PRKD1: variants seen among roughly 807,000 people sequenced by gnomAD.
PRKD1 encodes protein kinase D1.
PRKD1 carries 63 observed loss-of-function variants against 95.9 expected under a neutral mutation model. The observed-to-expected ratio is 0.66, with a 90% CI of 0.54 to 0.81. The LOEUF (loss-of-function observed/expected upper bound fraction) is 0.81, where lower values mean the gene tolerates loss of function less well. PRKD1 is among the 30% of genes least tolerant of loss of function. The pLI, the probability that PRKD1 is intolerant of heterozygous loss-of-function variation, is 0.00. For missense variants in PRKD1, 1,048 were observed against 1,165.3 expected (o/e 0.90, Z 1.47); for synonymous variants, 425 against 423.1 (o/e 1.00, Z -0.05).
intron 1 of PRKD1, among the ~76,000 whole-genome samples, chr14:29,888,527 T>C (rs996457637): frequency 6.6e-6 from 1 of 152,122 alleles, no homozygotes; most frequent in Admixed American, 6.6e-5. Context: ...AGAAATATGT[T>C]CAAGAGAAGA....
At chr14:29,841,389 C>T (rs1336455432) in intron 1 of PRKD1, among the ~76,000 whole-genome samples, 2 of 152,098 alleles carry the variant, frequency 1.3e-5, no homozygotes, top group Non-Finnish European at 2.9e-5. Flanking sequence ...TCACCCAAAT[C>T]GTATCCTGAG....
intron 13 of PRKD1, among the ~76,000 whole-genome samples, chr14:29,615,130 G>A (rs1295522631): frequency 6.6e-6 from 1 of 152,018 alleles, no homozygotes; most frequent in East Asian, 1.9e-4. Context: ...TAGGCTCAAG[G>A]AAAACAAGGA....
chr14:29,727,240 G>C (rs1247802474), intron 1 of PRKD1, among the ~76,000 whole-genome samples: 2 of 152,020 alleles, frequency 1.3e-5, no homozygotes, highest in African/African-American at 4.8e-5. Context: ...ACTTTTTGAT[G>C]GGGTTGTTTT....
At chr14:29,784,234 C>A (rs1889170744) in intron 1 of PRKD1, among the ~76,000 whole-genome samples, 1 of 151,750 alleles carries the variant, frequency 6.6e-6, no homozygotes, top group Non-Finnish European at 1.5e-5. Flanking sequence ...GGTGTCCTTT[C>A]CCCAGTATAT....
intron 1 of PRKD1, among the ~76,000 whole-genome samples, chr14:29,880,254 G>A (rs1893453798): frequency 6.6e-6 from 1 of 152,136 alleles, no homozygotes; most frequent in Non-Finnish European, 1.5e-5. Context: ...AGTGCAGCCT[G>A]GGAACTTGGT....
At chr14:29,808,258 A>C (rs192596967) in intron 1 of PRKD1, among the ~76,000 whole-genome samples, 76 of 151,626 alleles carry the variant, frequency 5.0e-4, no homozygotes, top group Non-Finnish European at 8.2e-4. Context: ...CCAGGAGTAG[A>C]TTCTAGATTC....
intron 4 of PRKD1, among the ~76,000 whole-genome samples, chr14:29,661,793 A>G (rs1432693974): frequency 6.6e-6 from 1 of 152,238 alleles, no homozygotes; most frequent in Non-Finnish European, 1.5e-5. Flanking sequence ...CTCCCATCCC[A>G]GTAGCTTTAA....
intron 2 of PRKD1, among the ~76,000 whole-genome samples, chr14:29,688,485 C>T (rs1274311042): frequency 2.6e-5 from 4 of 152,042 alleles, no homozygotes; most frequent in Non-Finnish European, 5.9e-5. Context: ...CAATTAAATC[C>T]TTTACCCATG....
intron 1 of PRKD1, among the ~76,000 whole-genome samples, chr14:29,885,093 C>A (rs1893651042): frequency 6.6e-6 from 1 of 150,440 alleles, no homozygotes; most frequent in Non-Finnish European, 1.5e-5. Context: ...ACTGCACTCC[C>A]CCCTGGGCAA....
intron 16 of PRKD1, among the ~76,000 whole-genome samples, chr14:29,586,677 T>A (rs1892943500): frequency 6.6e-6 from 1 of 152,172 alleles, no homozygotes; most frequent in Admixed American, 6.5e-5. Flanking sequence ...GTTTTGCTCT[T>A]GTTGCCCAGG....
At chr14:29,746,958 CTTCTCTGGAATAAT>C (rs1344949738) in intron 1 of PRKD1, among the ~76,000 whole-genome samples, 2 of 152,102 alleles carry the variant, frequency 1.3e-5, no homozygotes, top group Admixed American at 6.5e-5. Context: ...TGTTTCACTA[CTTCTCTGGAATAAT>C]TTCCTAATTT....
chr14:29,893,904 T>C (rs982777355), intron 1 of PRKD1, among the ~76,000 whole-genome samples: 1 of 152,232 alleles, frequency 6.6e-6, no homozygotes, highest in Non-Finnish European at 1.5e-5. Flanking sequence ...GTGCTCTGTA[T>C]GTACCAACCA....
intron 1 of PRKD1, among the ~76,000 whole-genome samples, chr14:29,875,911 T>C (rs1460856414): frequency 2.0e-5 from 3 of 152,146 alleles, no homozygotes; most frequent in African/African-American, 7.2e-5. Flanking sequence ...CCAAATCCAT[T>C]CCCTCCCACC....
chr14:29,630,041 CTTCT>C (rs1325929328), intron 10 of PRKD1, among the ~76,000 whole-genome samples: 7 of 150,734 alleles, frequency 4.6e-5, no homozygotes. Flanking sequence ...TCTTCTCCCT[CTTCT>C]TTTTCTTCTT....
chr14:29,770,569 C>T (rs1888455162), intron 1 of PRKD1, among the ~76,000 whole-genome samples: 1 of 152,114 alleles, frequency 6.6e-6, no homozygotes, highest in South Asian at 2.1e-4. Context: ...AAAGGCCATC[C>T]AAGTTATAAA....
At chr14:29,898,996 AATTG>A (rs1279147357) in intron 1 of PRKD1, among the ~76,000 whole-genome samples, 5 of 152,218 alleles carry the variant, frequency 3.3e-5, no homozygotes, top group Admixed American at 6.5e-5. Flanking sequence ...ACTGAAGTTT[AATTG>A]ATTAATATTT....
chr14:29,881,129 T>C (rs1281138286), intron 1 of PRKD1, among the ~76,000 whole-genome samples: 1 of 152,198 alleles, frequency 6.6e-6, no homozygotes, highest in Non-Finnish European at 1.5e-5. Context: ...TGGAATGATA[T>C]GATTTGGCTG....
chr14:29,881,813 C>A (rs1330512095), intron 1 of PRKD1, among the ~76,000 whole-genome samples: 1 of 152,026 alleles, frequency 6.6e-6, no homozygotes, highest in African/African-American at 2.4e-5. Flanking sequence ...AATTACTCAC[C>A]CAAGTCATAA....
At chr14:29,649,815 C>T (rs534815225) in intron 4 of PRKD1, among the ~76,000 whole-genome samples, 2 of 152,108 alleles carry the variant, frequency 1.3e-5, no homozygotes, top group African/African-American at 2.4e-5. Context: ...TGGGTTTTGA[C>T]GATTTTCCTC....
Sources: gnomAD v4.1 joint callset for allele counts (sites outside exome capture counted in the v4.1 genomes callset) on GRCh38, gnomAD v4.1.1 for gene constraint, MANE v1.5 for transcripts, NCBI Gene and HGNC (gene_info 2026-07-23, HGNC 2026-07-21) for gene names.